The following IL1RAPL2 variants were observed in gnomAD, a reference collection of about 807,000 sequenced individuals.
The protein encoded by IL1RAPL2 is interleukin 1 receptor accessory protein like 2.
In IL1RAPL2, 3 loss-of-function variants were observed where a neutral mutation model predicts 44.1. That is an observed-to-expected ratio of 0.07 (90% confidence interval 0.03 to 0.18). The LOEUF (loss-of-function observed/expected upper bound fraction) is 0.18. Among genes scored for constraint, IL1RAPL2 ranks in the 10% least tolerant of loss-of-function variants. IL1RAPL2 has a pLI of 1.00. For missense variants in IL1RAPL2, 391 were observed against 496.4 expected, an observed-to-expected ratio of 0.79 and a Z score of 2.02; for synonymous variants, 181 against 178.8, an observed-to-expected ratio of 1.01 and a Z score of -0.10.
At position 105,688,951 on chromosome X, in the gene IL1RAPL2, T is replaced by C. The variant is rs772402989; in HGVS notation, c.773-28416T>C. On this transcript the variant is annotated intron_variant, in intron 6 of 10. Transcript: ENST00000372582. ...ATAACAATCTGATCTTTGACAAACC[T>C]GACAAAAACAAGAAAGGGGGAAATG... 6.3e-5 allele frequency among the ~76,000 whole-genome samples: 7 copies of C among 111,466 alleles called. No individual in the cohort carries two copies. The South Asian group carries it at 2.7e-3, about 42-fold the overall frequency.
intron 1 of IL1RAPL2, among the ~76,000 whole-genome samples, chrX:104,651,554 A>T (rs1930153420): frequency 8.9e-6 from 1 of 111,864 alleles, no homozygotes; most frequent in African/African-American, 3.2e-5. Context: ...ACACACTGTC[A>T]GCTTTCAGAC....
chrX:104,591,957 G>T (rs185533716), intron 1 of IL1RAPL2, among the ~76,000 whole-genome samples: 1 of 109,746 alleles, frequency 9.1e-6, no homozygotes, highest in Admixed American at 9.9e-5. Flanking sequence ...TTGTGATATC[G>T]CCTAAGAATG....
intron 6 of IL1RAPL2, among the ~76,000 whole-genome samples, chrX:105,501,659 T>C (rs1024722482): frequency 8.1e-5 from 9 of 111,099 alleles, no homozygotes; most frequent in Admixed American, 6.7e-4. Context: ...GACAAACCCA[T>C]AGAGTCTTAA....
At chrX:105,389,575 A>G (rs150169318) in intron 5 of IL1RAPL2, among the ~76,000 whole-genome samples, 41 of 111,722 alleles carry the variant, frequency 3.7e-4, no homozygotes, top group African/African-American at 1.3e-3. Flanking sequence ...TACATTTGAT[A>G]AACAACCAAT....
intron 2 of IL1RAPL2, among the ~76,000 whole-genome samples, chrX:104,790,302 C>T (rs59370657): frequency 0.053 from 5,880 of 111,138 alleles, 415 homozygotes; most frequent in African/African-American, 0.18. Flanking sequence ...GAGTATTCAT[C>T]TGCATGGCTG....
intron 2 of IL1RAPL2, among the ~76,000 whole-genome samples, chrX:104,771,909 A>T (rs1029111603): frequency 8.9e-6 from 1 of 112,146 alleles, no homozygotes; most frequent in Non-Finnish European, 1.9e-5. Flanking sequence ...TATGTACATA[A>T]TAAAACACAA....
chrX:104,711,692 A>C (rs1485532931), intron 2 of IL1RAPL2, among the ~76,000 whole-genome samples: 1 of 110,126 alleles, frequency 9.1e-6, no homozygotes, highest in Non-Finnish European at 1.9e-5. Context: ...CATTGGAAAA[A>C]AAAAAGATTT....
intron 4 of IL1RAPL2, among the ~76,000 whole-genome samples, chrX:105,242,707 A>ACAAAAT (rs1329546425): frequency 2.7e-5 from 3 of 111,851 alleles, no homozygotes; most frequent in Non-Finnish European, 5.6e-5. Flanking sequence ...AAAAACAAAA[A>ACAAAAT]CAAAGACAAA....
At chrX:105,466,860 C>T (rs183540525) in intron 5 of IL1RAPL2, among the ~76,000 whole-genome samples, 5 of 111,676 alleles carry the variant, frequency 4.5e-5, no homozygotes, top group African/African-American at 9.7e-5. Flanking sequence ...ACATCTGGCG[C>T]GGGCCTTTTT....
intron 2 of IL1RAPL2, among the ~76,000 whole-genome samples, chrX:104,691,000 A>G (rs1304973839): frequency 2.7e-5 from 3 of 111,800 alleles, no homozygotes; most frequent in Non-Finnish European, 5.6e-5. Context: ...GTTAATGTCC[A>G]GGGGTAGAGC....
At chrX:105,014,333 A>G (rs2031126673) in intron 2 of IL1RAPL2, among the ~76,000 whole-genome samples, 1 of 109,582 alleles carries the variant, frequency 9.1e-6, no homozygotes, top group East Asian at 2.9e-4. Context: ...CCTTTTCTAT[A>G]TTTAAGTTCT....
intron 2 of IL1RAPL2, among the ~76,000 whole-genome samples, chrX:105,024,996 C>A (rs1006420983): frequency 1.8e-5 from 2 of 109,351 alleles, no homozygotes; most frequent in East Asian, 5.8e-4. Flanking sequence ...CTTTCTGAAC[C>A]ATTTTCTCTG....
intron 3 of IL1RAPL2, among the ~76,000 whole-genome samples, chrX:105,207,565 A>C (rs893967962): frequency 1.8e-5 from 2 of 109,431 alleles, no homozygotes; most frequent in Non-Finnish European, 3.8e-5. Flanking sequence ...CTGCTAAAAA[A>C]CTCTTCCTGG....
chrX:104,642,048 C>T (rs1929944498), intron 1 of IL1RAPL2, among the ~76,000 whole-genome samples: 1 of 111,149 alleles, frequency 9.0e-6, no homozygotes. Flanking sequence ...GCCAAGATTG[C>T]ATGATTCCAC....
At chrX:105,206,065 C>T (rs1424891301) in intron 3 of IL1RAPL2, among the ~76,000 whole-genome samples, 3 of 110,873 alleles carry the variant, frequency 2.7e-5, no homozygotes, top group African/African-American at 9.9e-5. Context: ...AAGGATGACT[C>T]CTGTTGCTTT....
intron 2 of IL1RAPL2, among the ~76,000 whole-genome samples, chrX:104,710,577 G>A (rs926745368): frequency 5.4e-5 from 6 of 111,262 alleles, no homozygotes; most frequent in East Asian, 5.7e-4. Flanking sequence ...CCTTGTGAAC[G>A]TACTGAATGC....
At chrX:105,125,339 T>G (rs907577002) in intron 2 of IL1RAPL2, among the ~76,000 whole-genome samples, 27 of 110,599 alleles carry the variant, frequency 2.4e-4, no homozygotes, top group Non-Finnish European at 3.8e-4. Flanking sequence ...TGAAAAAAAC[T>G]TAATGTTTTA....
chrX:105,311,466 G>C (rs1433912552), intron 5 of IL1RAPL2, among the ~76,000 whole-genome samples: 1 of 107,961 alleles, frequency 9.3e-6, no homozygotes, highest in African/African-American at 3.4e-5. Flanking sequence ...ATTCATTTTA[G>C]GGGTGTTATT....
Position 105,039,423 on chromosome X carries a change from GT to G in IL1RAPL2, c.83-156048del, listed in dbSNP as rs780299126. ...AGTCTGCACAAATGTAAGAACACTA[GT>G]TTTCTATCTTGTGTTACATTAATTG... On this transcript the variant is annotated intron_variant, in intron 2 of 10. Coordinates refer to ENST00000372582, the MANE Select transcript of IL1RAPL2 (RefSeq NM_017416.2). 3.6e-5 allele frequency among the ~76,000 whole-genome samples: 4 copies of G among 111,796 alleles called. No homozygotes were observed. In the South Asian group the frequency reaches 1.1e-3, roughly 31 times the overall value.
Sources: gnomAD v4.1 joint callset for allele counts (sites outside exome capture counted in the v4.1 genomes callset) on GRCh38, gnomAD v4.1.1 for gene constraint, MANE v1.5 for transcripts, NCBI Gene and HGNC (gene_info 2026-07-23, HGNC 2026-07-21) for gene names.